Variants in FAM13A observed in about 807,000 individuals in gnomAD.
FAM13A encodes family with sequence similarity 13 member A.
In FAM13A, 76 loss-of-function variants were observed where a neutral mutation model predicts 129.6. That is an observed-to-expected ratio of 0.59 (90% CI 0.49 to 0.71). FAM13A has a LOEUF of 0.71. FAM13A is among the 30% of genes least tolerant of loss of function. The pLI, the probability that FAM13A is intolerant of heterozygous loss-of-function variation, is 0.00. For missense variants in FAM13A, 1,108 were observed against 1,249.3 expected (o/e 0.89, Z 1.70); for synonymous variants, 443 against 449.9 (o/e 0.98, Z 0.20).
intron 5 of FAM13A, among the ~76,000 whole-genome samples, chr4:88,922,166 C>T (rs1326063827): frequency 1.3e-5 from 2 of 151,910 alleles, no homozygotes; most frequent in Admixed American, 1.3e-4. Context: ...AACAAGGATA[C>T]CCAGGAATTG....
At chr4:88,742,508 A>C (rs1740470053) in intron 19 of FAM13A, among the ~76,000 whole-genome samples, 1 of 152,122 alleles carries the variant, frequency 6.6e-6, no homozygotes, top group African/African-American at 2.4e-5. Context: ...TTTAAGTCTG[A>C]GGTAAGAGAA....
In FAM13A at chr4:88,892,028, T is replaced by C. The variant is rs138456519; in HGVS notation, c.843+14351A>G. Among the ~76,000 whole-genome samples the C allele has an allele frequency of 7.9e-3, 1,204 of 152,008 alleles. 10 individuals are homozygous for C. The highest frequency in any genetic ancestry group is 0.021 in the East Asian group (106 of 5,144). On this transcript the variant is annotated intron_variant, in intron 6 of 23. Transcript: ENST00000264344. ...CCTGTCTCTACAAAAAATAAAACAA[T>C]TAGCTGGGCATGGTGGCCACTTGTA...
At chr4:89,052,064 T>G (rs992519275) in intron 1 of FAM13A, among the ~76,000 whole-genome samples, 2 of 152,084 alleles carry the variant, frequency 1.3e-5, no homozygotes, top group Non-Finnish European at 2.9e-5. Flanking sequence ...CAGGCTACTA[T>G]GTCTCATGCA....
rs377672753 is a variant in FAM13A, at chr4:88,749,842, G to A, written c.2008C>T (p.Arg670Ter). 3.1e-6 allele frequency: 5 copies of A among 1,614,038 alleles called. No individual in the cohort carries two copies. The highest frequency in any genetic ancestry group is 1.1e-5 in the South Asian group (1 of 91,072). ...QEDLTPAQLT[R>*]RIQSLKKKIR... The stretch of plus-strand genomic sequence containing the variant: ...TTCTTTTTAAGGCTCTGAATCCTTC[G>A]TGTGAGCTGGGCAGGTGTCAGGTCC... The change falls in exon 16 of 24, where the codon CGA becomes TGA. Residue 670 changes from arginine (R) to a stop codon, truncating the protein, a stop_gained. Coordinates refer to ENST00000264344, the MANE Select transcript of FAM13A (RefSeq NM_014883.4). LOFTEE classifies it high-confidence loss of function.
Position 89,057,164 on chromosome 4 carries a change from G to A in FAM13A, c.-200C>T. 1 of 1,423,152 alleles carries A rather than the reference G, an allele frequency of 7.0e-7. No homozygotes were observed. The highest frequency in any genetic ancestry group is 2.6e-4 in the Middle Eastern group (1 of 3,776). 88.2% of individuals were successfully genotyped at this position (1,423,152 alleles called of 1,614,324 possible). Reference sequence around the variant, plus strand: ...CTTCTCTTTCCGCTGAACCCACATGGCTGGAAGGACTGCCTGGAGTTGAAA... The same window carrying A: ...CTTCTCTTTCCGCTGAACCCACATGACTGGAAGGACTGCCTGGAGTTGAAA... On this transcript the variant is annotated 5_prime_UTR_variant, in exon 1 of 24. Transcript: ENST00000264344.
Position 88,881,854 on chromosome 4 carries a change from A to G in FAM13A, c.843+24525T>C, listed in dbSNP as rs188888879. On this transcript the variant is annotated intron_variant, in intron 6 of 23. Coordinates refer to ENST00000264344, the MANE Select transcript of FAM13A (RefSeq NM_014883.4). ...AAATATACTGGAACGTGTCAGCGAT[A>G]GAATCAAACAGGTAGAAGAAGGAAT... Among the ~76,000 whole-genome samples the G allele has an allele frequency of 6.8e-4, 103 of 152,316 alleles. 1 individual carries two copies. The highest frequency in any genetic ancestry group is 9.8e-4 in the Non-Finnish European group (67 of 68,030).
intron 12 of FAM13A, 28 bp from the exon 13 acceptor site, chr4:88,767,623 T>C (rs1244068573): frequency 1.3e-6 from 2 of 1,522,994 alleles, no homozygotes; most frequent in African/African-American, 2.8e-5. Flanking sequence ...AACAAAAAAA[T>C]CATAAAATAT....
chr4:88,774,725 C>T (rs1300362639), intron 11 of FAM13A, among the ~76,000 whole-genome samples: 2 of 151,622 alleles, frequency 1.3e-5, no homozygotes, highest in African/African-American at 4.8e-5. Flanking sequence ...AATGGCAACG[C>T]AAAAAGGGAA....
intron 8 of FAM13A, among the ~76,000 whole-genome samples, chr4:88,802,135 G>C (rs955828644): frequency 2.0e-5 from 3 of 152,040 alleles, no homozygotes; most frequent in African/African-American, 7.3e-5. Context: ...GAGAGAACAG[G>C]GTATGAACAT....
chr4:89,027,056 C>T lies in FAM13A; in HGVS notation c.217+2404G>A, dbSNP rs192492211. On this transcript the variant is annotated intron_variant, in intron 2 of 23. Coordinates refer to ENST00000264344, the MANE Select transcript of FAM13A (RefSeq NM_014883.4). ...TCAAATTACAGTAGACCCACCTTAC[C>T]GGCAGGGGATATGTTCCAAGACTGC... Among the ~76,000 whole-genome samples the T allele has an allele frequency of 7.3e-4, 111 of 152,276 alleles. 1 individual carries two copies. Among genetic ancestry groups the T allele is most frequent in the Admixed American group, 3.5e-3 (53 of 15,294 alleles).
intron 1 of FAM13A, among the ~76,000 whole-genome samples, chr4:89,052,564 T>G (rs573727652): frequency 6.7e-6 from 1 of 149,860 alleles, no homozygotes; most frequent in South Asian, 2.1e-4. Context: ...ACTCTGGGCC[T>G]GGGATGAGAG....
chr4:89,027,826 C>T (rs1240189486), intron 2 of FAM13A, among the ~76,000 whole-genome samples: 1 of 152,044 alleles, frequency 6.6e-6, no homozygotes, highest in East Asian at 1.9e-4. Context: ...CATGGATACA[C>T]TGGACAAGGG....
At chr4:89,003,337 A>G (rs888848518) in intron 3 of FAM13A, among the ~76,000 whole-genome samples, 16 of 151,530 alleles carry the variant, frequency 1.1e-4, no homozygotes, top group African/African-American at 3.9e-4. Flanking sequence ...TGGGCTGGGC[A>G]TGGTGGCTCA....
intron 7 of FAM13A, among the ~76,000 whole-genome samples, chr4:88,828,254 C>T (rs955012011): frequency 1.3e-5 from 2 of 152,166 alleles, no homozygotes; most frequent in Admixed American, 6.5e-5. Flanking sequence ...GTGCCTCCCA[C>T]CTCAGCCTCC....
At chr4:88,923,761 G>T (rs983143497) in intron 5 of FAM13A, among the ~76,000 whole-genome samples, 13 of 152,002 alleles carry the variant, frequency 8.6e-5, no homozygotes, top group African/African-American at 2.7e-4. Context: ...GGAAGTCAAA[G>T]TGTCCCTGTT....
At chr4:88,981,837 G>A (rs1183082559) in intron 4 of FAM13A, among the ~76,000 whole-genome samples, 3 of 152,040 alleles carry the variant, frequency 2.0e-5, no homozygotes, top group Non-Finnish European at 4.4e-5. Flanking sequence ...TCCATGGGAA[G>A]AACAAAAAAA....
intron 3 of FAM13A, among the ~76,000 whole-genome samples, chr4:89,018,066 T>C (rs1054038347): frequency 1.3e-5 from 2 of 152,158 alleles, no homozygotes; most frequent in Non-Finnish European, 1.5e-5. Context: ...GGTTTGAAAA[T>C]AGGTAAAACT....
chr4:88,958,129 T>C (rs775698592), intron 4 of FAM13A, among the ~76,000 whole-genome samples: 4 of 151,648 alleles, frequency 2.6e-5, no homozygotes, highest in Non-Finnish European at 4.4e-5. Context: ...AACCACTTGC[T>C]AGAGAAATTT....
Position 88,728,585 on chromosome 4 carries a change from C to G in FAM13A, c.3020G>C (p.Arg1007Thr), listed in dbSNP as rs774386529. Residue 1007 changes from arginine (R) to threonine (T), a missense_variant, in exon 24 of 24, where the codon AGG becomes ACG. By Grantham distance (71) the Arg-to-Thr change is moderately conservative (BLOSUM62 -1). Coordinates refer to ENST00000264344, the MANE Select transcript of FAM13A (RefSeq NM_014883.4). The part of the protein sequence containing the change: ...SEYKHIKAKL[R>T]LLEVLISKRD... ...CTTGCTGATGAGCACCTCCAGGAGC[C>G]TCAGTTTCGCCTTTATGTGCTTATA... 6.2e-7 allele frequency: 1 copy of G among 1,614,192 alleles called. No individual in the cohort carries two copies. Among genetic ancestry groups the G allele is most frequent in the South Asian group, 1.1e-5 (1 of 91,078 alleles).
Sources: gnomAD v4.1 joint callset for allele counts (sites outside exome capture counted in the v4.1 genomes callset) on GRCh38, gnomAD v4.1.1 for gene constraint, MANE v1.5 for transcripts, NCBI Gene and HGNC (gene_info 2026-07-23, HGNC 2026-07-21) for gene names.